MROH1: variants seen among roughly 807,000 people sequenced by gnomAD.
The protein encoded by MROH1 is maestro heat like repeat family member 1, also known as maestro heat-like repeat-containing protein family member 1.
Under a neutral mutation model 116.5 loss-of-function variants are expected in MROH1, and 117 were observed. The observed-to-expected ratio is 1.00, with a 90% CI of 0.86 to 1.17. The LOEUF (loss-of-function observed/expected upper bound fraction) is 1.17. MROH1 is among the 50% of genes most tolerant of loss of function. MROH1 has a pLI of 0.00. For synonymous variants in MROH1, 921 were observed against 583.9 expected, an observed-to-expected ratio of 1.58 and a Z score of -8.32; for missense variants, 1,873 against 1,338.5, an observed-to-expected ratio of 1.40 and a Z score of -6.23.
At chr8:144,152,021 G>A (rs1816927414) in intron 1 of MROH1, among the ~76,000 whole-genome samples, 1 of 152,152 alleles carries the variant, frequency 6.6e-6, no homozygotes, top group African/African-American at 2.4e-5. Flanking sequence ...TCTCTTTCCT[G>A]TTTATCTCAG....
chr8:144,151,075 C>T (rs1430321122), intron 1 of MROH1, among the ~76,000 whole-genome samples: 1 of 151,788 alleles, frequency 6.6e-6, no homozygotes, highest in African/African-American at 2.4e-5. Flanking sequence ...TGGTGAAACC[C>T]CGTCTCCACT....
chr8:144,164,672 A>G (rs1051721822), intron 3 of MROH1, among the ~76,000 whole-genome samples: 2 of 152,066 alleles, frequency 1.3e-5, no homozygotes, highest in Non-Finnish European at 2.9e-5. Context: ...TGCTGGGATT[A>G]TAGGCATGAG....
intron 12 of MROH1, chr8:144,213,521 G>A (rs1834624665): frequency 6.4e-6 from 1 of 157,082 alleles, no homozygotes; most frequent in African/African-American, 2.4e-5. Context: ...GGGAGCGGTG[G>A]TTCGCGTCTG....
At position 144,254,974 on chromosome 8, in the gene MROH1, T is replaced by A. The variant is rs1843436188; in HGVS notation, c.3590T>A (p.Leu1197His). 3.9e-6 allele frequency: 3 copies of A among 762,668 alleles called. No homozygotes were observed. In the Admixed American group the frequency reaches 5.3e-5, roughly 13 times the overall value. 47.2% of individuals were successfully genotyped at this position (762,668 alleles called of 1,614,324 possible). ...GACCGCGTGGCCACGCTGCTGCCTC[T>A]CTCGGTGAGTCGGGCTCTCGGGGCC... ...TPDRVATLLP[L>H]SATCALFEVM... is the part of the protein sequence containing the mutation. Residue 1197 changes from leucine to histidine, a missense_variant, in exon 34 of 44, where the codon CTC becomes CAC. Transcript: ENST00000326134.
At position 144,247,409 on chromosome 8, in the gene MROH1, C is replaced by T. The variant is rs1842088291; in HGVS notation, c.2980C>T (p.Leu994=). The T allele has an allele frequency of 7.8e-6, 6 of 771,412 alleles. No homozygotes were observed. Among genetic ancestry groups the T allele is most frequent in the South Asian group, 6.9e-5 (5 of 72,546 alleles). The allele number at this position is 771,412 out of a possible 1,614,324, so 47.8% of individuals were successfully genotyped here. ...RQEAVDCVYS[L]LYLQLGYEGF... ...GGAGGCCGTGGACTGTGTCTACTCC[C>T]TGCTGTACCTCCAGCTCGGCTATGA... Residue 994 remains leucine, a synonymous_variant, in exon 30 of 44, where the codon CTG becomes TTG. Transcript: ENST00000326134.
At chr8:144,189,322 C>T (rs1588025956) in intron 7 of MROH1, among the ~76,000 whole-genome samples, 1 of 152,184 alleles carries the variant, frequency 6.6e-6, no homozygotes, top group African/African-American at 2.4e-5. Context: ...TTTCCTCCTC[C>T]AGTTTCTGCG....
chr8:144,255,792 A>ATC (rs1843628830), intron 35 of MROH1, 87 bp downstream of exon 35: 3 of 676,234 alleles, frequency 4.4e-6, no homozygotes. Context: ...CGGACGGCAG[A>ATC]TCTGAACCAC....
rs544428738 is a variant in MROH1, at chr8:144,211,457, G to C, written c.1142-9143G>C. ...AAAGGCAGGGTTGGCCGGGCACAGT[G>C]GCTCATGCCTGTAATCCCAGCACTT... On this transcript the variant is annotated intron_variant, in intron 12 of 43. Transcript: ENST00000326134. 2.6e-5 allele frequency among the ~76,000 whole-genome samples: 4 copies of C among 152,286 alleles called. No homozygotes were observed. In the South Asian group the frequency reaches 8.3e-4, roughly 32 times the overall value.
At chr8:144,186,287 A>G (rs1564425677) in intron 7 of MROH1, among the ~76,000 whole-genome samples, 1 of 151,842 alleles carries the variant, frequency 6.6e-6, no homozygotes, top group Non-Finnish European at 1.5e-5. Flanking sequence ...ACACCCAGCT[A>G]ATTTTTGTAT....
At chr8:144,218,939 ATTC>A (rs1453514409) in intron 12 of MROH1, among the ~76,000 whole-genome samples, 1 of 130,026 alleles carries the variant, frequency 7.7e-6, no homozygotes, top group Non-Finnish European at 1.6e-5. Flanking sequence ...GGCTCAAGCG[ATTC>A]TTGTGCCTCG....
chr8:144,250,461 G>A lies in MROH1; in HGVS notation c.3428+95G>A, dbSNP rs997005252. On this transcript the variant is annotated intron_variant, in intron 33 of 43. Transcript: ENST00000326134. ...AGCCCTCCACCCGGCTCTGCACCCC[G>A]ACTTTCTGCATGAGTTCCCATGGCT... 6.7e-4 allele frequency: 469 copies of A among 701,668 alleles called. 1 individual carries two copies. Among genetic ancestry groups the A allele is most frequent in the Non-Finnish European group, 1.1e-3 (420 of 385,026 alleles). 43.5% of individuals were successfully genotyped at this position (701,668 alleles called of 1,614,324 possible). A position where few individuals can be genotyped will look rare whatever the true frequency, so the allele number is the denominator to read the frequency against.
In MROH1 at chr8:144,202,017, CCAAAA is replaced by C. The variant is rs1307049001; in HGVS notation, c.1141+1477_1141+1481del. On this transcript the variant is annotated intron_variant, in intron 12 of 43. Transcript: ENST00000326134. ...TGGACAACAGAGTGAGACTCCGTCT[CCAAAA>C]AAAAAAAAAAAAAGAGAAAGCAGCA... Among the ~76,000 whole-genome samples, 17 of 52,802 alleles carry C rather than the reference CCAAAA, an allele frequency of 3.2e-4. No individual in the cohort carries two copies. In the East Asian group the frequency reaches 7.0e-3, roughly 22 times the overall value. 34.6% of individuals were successfully genotyped at this position (52,802 alleles called of 152,430 possible).
intron 12 of MROH1, among the ~76,000 whole-genome samples, chr8:144,212,485 T>C (rs1487663745): frequency 1.3e-5 from 2 of 151,720 alleles, no homozygotes; most frequent in African/African-American, 2.4e-5. Context: ...CTAGGAAATA[T>C]CTCTATCAGT....
rs2130866298 is a variant in MROH1 at position 144,163,388 on chromosome 8, T to C, written c.-56-383T>C. The stretch of plus-strand genomic sequence containing the variant: ...GACCATTGTTGCATGCAGTGGCGCA[T>C]GGCATGTGATGTGTGAAAGCTGTGG... On this transcript the variant is annotated intron_variant, in intron 2 of 43. Coordinates refer to ENST00000326134, the MANE Select transcript of MROH1 (RefSeq NM_032450.3). The surrounding 1 kb of genome is among the most constrained non-coding windows in gnomAD (Gnocchi z 4.4). 6.6e-6 allele frequency among the ~76,000 whole-genome samples: 1 copy of C among 152,334 alleles called. No homozygotes were observed. Among genetic ancestry groups the C allele is most frequent in the Admixed American group, 6.5e-5 (1 of 15,302 alleles).
chr8:144,203,616 T>C (rs1832184244), intron 12 of MROH1, among the ~76,000 whole-genome samples: 1 of 152,064 alleles, frequency 6.6e-6, no homozygotes, highest in African/African-American at 2.4e-5. Context: ...CGCCTGCAGC[T>C]TCCACACAGA....
intron 1 of MROH1, among the ~76,000 whole-genome samples, chr8:144,153,289 T>C (rs1817298292): frequency 6.6e-6 from 1 of 151,936 alleles, no homozygotes; most frequent in Non-Finnish European, 1.5e-5. Context: ...CTCCGCCTCC[T>C]GGGTTCAAGC....
At chr8:144,219,338 A>G (rs1357419797) in intron 12 of MROH1, among the ~76,000 whole-genome samples, 2 of 151,904 alleles carry the variant, frequency 1.3e-5, no homozygotes, top group African/African-American at 2.4e-5. Context: ...TGTATTTTTT[A>G]GTACAGAAGG....
rs576284925 is a variant in MROH1 at position 144,163,353 on chromosome 8, G to A, written c.-56-418G>A. Among the ~76,000 whole-genome samples the A allele has an allele frequency of 1.3e-5, 2 of 152,342 alleles. No individual in the cohort carries two copies. Among genetic ancestry groups the A allele is most frequent in the Admixed American group, 6.5e-5 (1 of 15,292 alleles). ...GGGAACTTGGACGCTTCCTGGACTCGATTCTTAGGGACCATTGTTGCATGC... is the reference window on the plus strand; with the variant it reads ...GGGAACTTGGACGCTTCCTGGACTCAATTCTTAGGGACCATTGTTGCATGC... On this transcript the variant is annotated intron_variant, in intron 2 of 43. Transcript: ENST00000326134. The surrounding 1 kb of genome is among the most constrained non-coding windows in gnomAD (Gnocchi z 4.4).
intron 12 of MROH1, 23 bp from the exon 13 acceptor site, chr8:144,220,577 G>A: frequency 6.4e-7 from 1 of 1,558,828 alleles, no homozygotes; most frequent in South Asian, 1.2e-5. Flanking sequence ...GGTAGGCTGA[G>A]CTGTCCTGTT....
Sources: gnomAD v4.1 joint callset for allele counts (sites outside exome capture counted in the v4.1 genomes callset) on GRCh38, gnomAD v4.1.1 for gene constraint, Gnocchi (gnomAD v3.1) non-coding constraint, MANE v1.5 for transcripts, NCBI Gene and HGNC (gene_info 2026-07-23, HGNC 2026-07-21) for gene names.